The following ZNF682 variants were observed in gnomAD, a reference collection of about 807,000 sequenced individuals.
The protein encoded by ZNF682 is zinc finger protein 682.
ZNF682 carries 29 observed loss-of-function variants against 36.5 expected under a neutral mutation model. The ratio of observed to expected loss-of-function variants is 0.80; its 90% CI spans 0.59 to 1.08. The LOEUF (loss-of-function observed/expected upper bound fraction) is 1.08, where lower values mean the gene tolerates loss of function less well. ZNF682 is among the 50% of genes least tolerant of loss of function. ZNF682 has a pLI of 0.00. For synonymous variants in ZNF682, 180 were observed against 197.0 expected, an observed-to-expected ratio of 0.91 and a Z score of 0.72; for missense variants, 561 against 579.7, an observed-to-expected ratio of 0.97 and a Z score of 0.33.
At chr19:20,007,555 G>A (rs903871228) in intron 3 of ZNF682, 5 of 349,300 alleles carry the variant, frequency 1.4e-5, no homozygotes, top group Middle Eastern at 8.2e-4. Context: ...GGACTGGCTC[G>A]TAGATCCAGA....
intron 1 of ZNF682, 77 bp from the exon 2 acceptor site, chr19:20,024,453 C>T (rs1418036632): frequency 5.4e-6 from 8 of 1,490,340 alleles, no homozygotes; most frequent in Non-Finnish European, 7.2e-6. Flanking sequence ...GAGAGAATTG[C>T]TGTGACTTAT....
rs553884465 is a variant in ZNF682 at position 20,028,450 on chromosome 19, G to A, written c.4-4074C>T. Reference sequence around the variant, plus strand: ...TGGTCTTGAACTCCTGACCTCAGGTGATCCGCCCTTCTCAGCCTCCCAAAG... The same window carrying A: ...TGGTCTTGAACTCCTGACCTCAGGTAATCCGCCCTTCTCAGCCTCCCAAAG... On this transcript the variant is annotated intron_variant, in intron 1 of 3. Coordinates refer to ENST00000397165, the MANE Select transcript of ZNF682 (RefSeq NM_033196.3). 1.3e-4 allele frequency among the ~76,000 whole-genome samples: 20 copies of A among 152,220 alleles called. 1 individual carries two copies. The South Asian group carries it at 1.5e-3, about 11-fold the overall frequency.
intron 3 of ZNF682, among the ~76,000 whole-genome samples, chr19:20,020,774 TG>T (rs1371513364): frequency 6.6e-6 from 1 of 152,166 alleles, no homozygotes; most frequent in African/African-American, 2.4e-5. Context: ...TGGATGGACC[TG>T]GAAGACATTA....
chr19:20,009,707 A>G (rs2088265649), intron 3 of ZNF682, among the ~76,000 whole-genome samples: 1 of 152,200 alleles, frequency 6.6e-6, no homozygotes. Context: ...GGAAGATATT[A>G]GGGGCCTGTT....
intron 3 of ZNF682, among the ~76,000 whole-genome samples, chr19:20,011,621 A>T (rs1320342813): frequency 1.3e-5 from 2 of 152,256 alleles, no homozygotes; most frequent in African/African-American, 2.4e-5. Context: ...ATAAACTCAA[A>T]ACTCAATAGC....
chr19:20,023,193 A>G (rs752968459), intron 2 of ZNF682, 94 bp from the exon 3 acceptor site: 10 of 1,126,848 alleles, frequency 8.9e-6, no homozygotes, highest in Non-Finnish European at 1.1e-5. Context: ...AATATTATAG[A>G]TGATTCTAGA....
intron 3 of ZNF682, 135 bp downstream of exon 3, chr19:20,022,869 G>A (rs1397858597): frequency 1.3e-6 from 1 of 757,074 alleles, no homozygotes; most frequent in Non-Finnish European, 2.2e-6. Context: ...CTGTACAAGA[G>A]CAAGAATAAA....
chr19:20,035,970 A>C (rs1265909695), intron 1 of ZNF682, among the ~76,000 whole-genome samples: 1 of 152,038 alleles, frequency 6.6e-6, no homozygotes, highest in Admixed American at 6.6e-5. Context: ...TCCTGACCTC[A>C]GGTGATCCTC....
rs2088229966 is a variant in ZNF682, at chr19:20,006,967, C to T, written c.535G>A (p.Gly179Ser). ...TEKLFKCMQCGKVFKSHSGLS... is the reference protein window; with the variant it reads ...TEKLFKCMQCSKVFKSHSGLS... ...CCTGAGTGAGATTTAAAGACTTTGC[C>T]ACATTGCATACATTTGAAAAGTTTC... Residue 179 changes from glycine (G) to serine (S), a missense_variant, in exon 4 of 4, where the codon GGC (glycine) becomes AGC (serine). Coordinates refer to ENST00000397165, the MANE Select transcript of ZNF682 (RefSeq NM_033196.3). 2.5e-6 allele frequency: 4 copies of T among 1,612,816 alleles called. No individual in the cohort carries two copies. Among genetic ancestry groups the T allele is most frequent in the African/African-American group, 1.3e-5 (1 of 74,916 alleles).
chr19:19,999,495 G>A (rs1480315725), downstream of ZNF682, among the ~76,000 whole-genome samples: 1 of 152,072 alleles, frequency 6.6e-6, no homozygotes, highest in Non-Finnish European at 1.5e-5. Flanking sequence ...GCTTGCTGAT[G>A]TCAGGACCCA....
At chr19:20,036,133 A>G (rs1568548443) in intron 1 of ZNF682, among the ~76,000 whole-genome samples, 3 of 152,204 alleles carry the variant, frequency 2.0e-5, no homozygotes, top group Non-Finnish European at 1.5e-5. Context: ...AAACCAAGGT[A>G]CAGAGCGTAC....
chr19:20,018,336 C>T (rs1324997739), intron 3 of ZNF682, among the ~76,000 whole-genome samples: 5 of 151,774 alleles, frequency 3.3e-5, no homozygotes, highest in Admixed American at 6.6e-5. Context: ...CCTCGTGATC[C>T]GCCCGCCTCG....
At chr19:20,022,605 G>A (rs2088395512) in intron 3 of ZNF682, among the ~76,000 whole-genome samples, 1 of 152,026 alleles carries the variant, frequency 6.6e-6, no homozygotes, top group Non-Finnish European at 1.5e-5. Flanking sequence ...AGAGGTTATG[G>A]TGAGCCAAGA....
At chr19:20,028,115 G>A (rs2088447838) in intron 1 of ZNF682, among the ~76,000 whole-genome samples, 1 of 152,206 alleles carries the variant, frequency 6.6e-6, no homozygotes, top group South Asian at 2.1e-4. Context: ...ACTAGAATGT[G>A]ATGAGCTGAC....
chr19:20,001,298 C>G (rs2088166894), downstream of ZNF682, among the ~76,000 whole-genome samples: 2 of 152,186 alleles, frequency 1.3e-5, no homozygotes, highest in African/African-American at 4.8e-5. Flanking sequence ...AACTTAAAAG[C>G]CAACACTATG....
chr19:20,013,204 A>C (rs1183899257), intron 3 of ZNF682, among the ~76,000 whole-genome samples: 1 of 152,140 alleles, frequency 6.6e-6, no homozygotes, highest in Non-Finnish European at 1.5e-5. Context: ...AAACCCTGTT[A>C]TAAAATATAC....
At chr19:20,028,455 G>A (rs1210831653) in intron 1 of ZNF682, among the ~76,000 whole-genome samples, 2 of 151,962 alleles carry the variant, frequency 1.3e-5, no homozygotes, top group African/African-American at 2.4e-5. Context: ...CAGGTGATCC[G>A]CCCTTCTCAG....
intron 3 of ZNF682, among the ~76,000 whole-genome samples, chr19:20,013,851 A>T (rs573739225): frequency 6.6e-6 from 1 of 152,352 alleles, no homozygotes; most frequent in Non-Finnish European, 1.5e-5. Context: ...AAGTGCTGGG[A>T]TTGCAGGTGT....
At chr19:20,025,121 C>T (rs983503312) in intron 1 of ZNF682, among the ~76,000 whole-genome samples, 13 of 151,976 alleles carry the variant, frequency 8.6e-5, no homozygotes, top group African/African-American at 3.1e-4. Context: ...CCAAGGCATC[C>T]GAATCAAGAA....
Sources: allele counts gnomAD v4.1 joint callset (sites outside exome capture counted in the v4.1 genomes callset), GRCh38; gene constraint gnomAD v4.1.1; transcripts MANE v1.5; gene names NCBI Gene and HGNC (gene_info 2026-07-23, HGNC 2026-07-21).